HS3ST1: variants seen among roughly 807,000 people sequenced by gnomAD.
HS3ST1 encodes heparan sulfate-glucosamine 3-sulfotransferase 1, also known as heparan sulfate glucosamine 3-O-sulfotransferase 1.
Under a neutral mutation model 20.7 loss-of-function variants are expected in HS3ST1, and 8 were observed. That is an observed-to-expected ratio of 0.39 (90% CI 0.23 to 0.70). The LOEUF is 0.70. Ranked by LOEUF, HS3ST1 falls within the 30% of genes least tolerant of loss-of-function variation. HS3ST1 has a pLI of 0.46. For missense variants in HS3ST1, 436 were observed against 423.4 expected (o/e 1.03, Z -0.26); for synonymous variants, 205 against 190.4 (o/e 1.08, Z -0.63).
chr4:11,423,489 C>T (rs953946666), intron 1 of HS3ST1, among the ~76,000 whole-genome samples: 2 of 152,172 alleles, frequency 1.3e-5, no homozygotes, highest in African/African-American at 4.8e-5. Flanking sequence ...TCACTTTCCT[C>T]TAGTTTTTAT....
intron 1 of HS3ST1, among the ~76,000 whole-genome samples, chr4:11,423,102 ACCACAGTCCTC>A (rs1718979792): frequency 6.7e-6 from 1 of 149,564 alleles, no homozygotes; most frequent in Non-Finnish European, 1.5e-5. Flanking sequence ...AGGCATCCTT[ACCACAGTCCTC>A]AATCACTGTA....
intron 1 of HS3ST1, among the ~76,000 whole-genome samples, chr4:11,407,103 T>C (rs1343401090): frequency 2.0e-5 from 3 of 152,204 alleles, no homozygotes; most frequent in Non-Finnish European, 4.4e-5. Flanking sequence ...ATATTTATTT[T>C]CTTGAAATTG....
rs1311033845 is a variant in HS3ST1, at chr4:11,393,541, A to G, written c.*5541T>C. ...GTCTAGAAGCAAAGTCTGAGGGGGG[A>G]TTCCTGTTTTCTTGGGAAACACATT... On this transcript the variant is annotated 3_prime_UTR_variant, in exon 2 of 2. Coordinates refer to ENST00000002596, the MANE Select transcript of HS3ST1 (RefSeq NM_005114.4). 1 of 152,170 alleles carries G rather than the reference A, an allele frequency of 6.6e-6. No individual in the cohort carries two copies. The highest frequency in any genetic ancestry group is 1.5e-5 in the Non-Finnish European group (1 of 68,028). The allele number at this position is 152,170 out of a possible 1,614,324, so 9.4% of individuals were successfully genotyped here. A position where few individuals can be genotyped will look rare whatever the true frequency, so the allele number is the denominator to read the frequency against.
At chr4:11,402,378 T>C (rs991847028) in intron 1 of HS3ST1, among the ~76,000 whole-genome samples, 1 of 152,200 alleles carries the variant, frequency 6.6e-6, no homozygotes, top group African/African-American at 2.4e-5. Flanking sequence ...GTTCTACCGA[T>C]TGGTGAACTA....
At chr4:11,406,411 G>A (rs902365753) in intron 1 of HS3ST1, among the ~76,000 whole-genome samples, 1 of 152,128 alleles carries the variant, frequency 6.6e-6, no homozygotes, top group African/African-American at 2.4e-5. Flanking sequence ...AAATCTACTT[G>A]ATAGGGGTGT....
upstream of HS3ST1, among the ~76,000 whole-genome samples, chr4:11,430,846 C>T (rs1186611935): frequency 6.6e-6 from 1 of 152,146 alleles, no homozygotes; most frequent in Non-Finnish European, 1.5e-5. Flanking sequence ...TTTAGTTTTC[C>T]TCATTTCTTT....
Position 11,425,719 on chromosome 4 carries a change from C to G in HS3ST1, c.-109+2980G>C, listed in dbSNP as rs1011340464. The stretch of plus-strand genomic sequence containing the variant: ...TACAATTGCACAAGTGTTCTCCAAT[C>G]GGCAAGATGCATTTCATATACATTT... On this transcript the variant is annotated intron_variant, in intron 1 of 1. Coordinates refer to ENST00000002596, the MANE Select transcript of HS3ST1 (RefSeq NM_005114.4). Among the ~76,000 whole-genome samples, 4 of 152,254 alleles carry G rather than the reference C, an allele frequency of 2.6e-5. No individual in the cohort carries two copies. The South Asian group carries it at 8.3e-4, about 32-fold the overall frequency.
At chr4:11,425,351 G>A (rs994449524) in intron 1 of HS3ST1, among the ~76,000 whole-genome samples, 2 of 152,112 alleles carry the variant, frequency 1.3e-5, no homozygotes, top group African/African-American at 2.4e-5. Context: ...CTCCCCATTT[G>A]TGACTTTTCT....
At chr4:11,404,537 G>A (rs1424858231) in intron 1 of HS3ST1, among the ~76,000 whole-genome samples, 1 of 152,174 alleles carries the variant, frequency 6.6e-6, no homozygotes, top group African/African-American at 2.4e-5. Flanking sequence ...AGGTCTTTAA[G>A]TGTGGAACAC....
chr4:11,419,466 C>T (rs1409510022), intron 1 of HS3ST1, among the ~76,000 whole-genome samples: 7 of 151,868 alleles, frequency 4.6e-5, no homozygotes, highest in Non-Finnish European at 7.4e-5. Context: ...CAACACACAC[C>T]GGGGCCTGTC....
chr4:11,411,764 T>G (rs1331289148), intron 1 of HS3ST1, among the ~76,000 whole-genome samples: 1 of 152,204 alleles, frequency 6.6e-6, no homozygotes, highest in African/African-American at 2.4e-5. Context: ...AAAATGTTAT[T>G]TATTATTACT....
intron 1 of HS3ST1, among the ~76,000 whole-genome samples, chr4:11,420,550 G>A (rs1443240514): frequency 1.3e-5 from 2 of 152,212 alleles, no homozygotes; most frequent in African/African-American, 4.8e-5. Context: ...CGAGCTTGGA[G>A]CAATGTTAGT....
chr4:11,399,382 C>A lies in HS3ST1; in HGVS notation c.624G>T (p.Pro208=), dbSNP rs373953981. The A allele has an allele frequency of 2.5e-6, 4 of 1,613,820 alleles. No homozygotes were observed. The highest frequency in any genetic ancestry group is 3.4e-6 in the Non-Finnish European group (4 of 1,180,002). Residue 208 remains proline (P), a synonymous_variant, in exon 2 of 2, where the codon CCG becomes CCT. Transcript: ENST00000002596. The surrounding 1 kb of genome is among the most constrained non-coding windows in gnomAD (Gnocchi z 5.1). The part of the protein sequence containing the change: ...VHMQNWLRFF[P]LRHIHIVDGD... ...CGTCCACAATGTGGATGTGGCGCAG[C>A]GGGAAAAAGCGCAGCCAGTTCTGCA...
rs138931078 is a variant in HS3ST1, at chr4:11,399,415, G to T, written c.591C>A (p.His197Gln). 2 of 1,613,986 alleles carry T rather than the reference G, an allele frequency of 1.2e-6. No individual in the cohort carries two copies. Among genetic ancestry groups the T allele is most frequent in the Non-Finnish European group, 8.5e-7 (1 of 1,179,986 alleles). The change falls in exon 2 of 2, where the codon CAC becomes CAA. Residue 197 changes from histidine (H) to glutamine (Q), a missense_variant. Transcript: ENST00000002596. The surrounding 1 kb of genome is among the most constrained non-coding windows in gnomAD (Gnocchi z 5.1). ...DYKALNRSLY[H>Q]VHMQNWLRFF... ...AGCGCAGCCAGTTCTGCATGTGCAC[G>T]TGGTAGAGGCTGCGGTTGAGGGCCT...
In HS3ST1 at chr4:11,398,271, C is replaced by T. The variant is rs997955411; in HGVS notation, c.*811G>A. 2.0e-5 allele frequency: 3 copies of T among 152,190 alleles called. No homozygotes were observed. Among genetic ancestry groups the T allele is most frequent in the Admixed American group, 6.5e-5 (1 of 15,274 alleles). 9.4% of individuals were successfully genotyped at this position (152,190 alleles called of 1,614,324 possible). A position where few individuals can be genotyped will look rare whatever the true frequency, so the allele number is the denominator to read the frequency against. On this transcript the variant is annotated 3_prime_UTR_variant, in exon 2 of 2. Coordinates refer to ENST00000002596, the MANE Select transcript of HS3ST1 (RefSeq NM_005114.4). The stretch of plus-strand genomic sequence containing the variant: ...TCACAGAACCGACAGGATGAAGACA[C>T]GCATAGATTTCGCAGTTTCTCTTTT...
chr4:11,409,504 C>G (rs576359227), intron 1 of HS3ST1, among the ~76,000 whole-genome samples: 18 of 151,192 alleles, frequency 1.2e-4, no homozygotes, highest in East Asian at 3.9e-4. Context: ...CTCACTCTGT[C>G]TCTCTCTCTC....
chr4:11,399,216 G>A lies in HS3ST1; in HGVS notation c.790C>T (p.Arg264Cys), dbSNP rs757294685. ...FYCLRDSGRD[R>C]CLHESKGRAH... ...CGGCCTTTGGACTCATGTAAGCAGCGGTCCCGGCCGCTGTCCCGCAGGCAG... is the reference window on the plus strand; with the variant it reads ...CGGCCTTTGGACTCATGTAAGCAGCAGTCCCGGCCGCTGTCCCGCAGGCAG... The change falls in exon 2 of 2, where the codon CGC becomes TGC. Residue 264 changes from arginine to cysteine, a missense_variant. Physicochemically the swap from Arg to Cys is radical, Grantham distance 180. Coordinates refer to ENST00000002596, the MANE Select transcript of HS3ST1 (RefSeq NM_005114.4). The surrounding 1 kb of genome is among the most constrained non-coding windows in gnomAD (Gnocchi z 5.1). The A allele has an allele frequency of 1.2e-6, 2 of 1,614,148 alleles. No homozygotes were observed. The highest frequency in any genetic ancestry group is 2.2e-5 in the East Asian group (1 of 44,884).
In HS3ST1 at chr4:11,399,057, G is replaced by T. The variant is rs772752327; in HGVS notation, c.*25C>A. ...GTACACCAGAACTTACAGTAGGAAAGTTTCTGAGCTTAGCTTATTGCAAAT... is the reference window on the plus strand; with the variant it reads ...GTACACCAGAACTTACAGTAGGAAATTTTCTGAGCTTAGCTTATTGCAAAT... On this transcript the variant is annotated 3_prime_UTR_variant, in exon 2 of 2. Coordinates refer to ENST00000002596, the MANE Select transcript of HS3ST1 (RefSeq NM_005114.4). The surrounding 1 kb of genome is among the most constrained non-coding windows in gnomAD (Gnocchi z 5.1). 5.7e-6 allele frequency: 9 copies of T among 1,583,568 alleles called. No homozygotes were observed. Among genetic ancestry groups the T allele is most frequent in the Non-Finnish European group, 7.8e-6 (9 of 1,160,688 alleles).
At chr4:11,424,300 T>G (rs1309729103) in intron 1 of HS3ST1, among the ~76,000 whole-genome samples, 7 of 152,202 alleles carry the variant, frequency 4.6e-5, no homozygotes, top group African/African-American at 1.7e-4. Context: ...GTTTAGAGTA[T>G]TGCTTGGAAG....
Sources: gnomAD v4.1 joint callset for allele counts (sites outside exome capture counted in the v4.1 genomes callset) on GRCh38, gnomAD v4.1.1 for gene constraint, Gnocchi (gnomAD v3.1) non-coding constraint, MANE v1.5 for transcripts, NCBI Gene and HGNC (gene_info 2026-07-23, HGNC 2026-07-21) for gene names.